Variants in RTL9 observed in about 807,000 individuals in gnomAD.
RTL9 encodes retrotransposon Gag like 9, also known as retrotransposon Gag-like protein 9.
RTL9 carries 19 observed loss-of-function variants against 44.7 expected under a neutral mutation model. The ratio of observed to expected loss-of-function variants is 0.42; its 90% CI spans 0.30 to 0.62. The LOEUF (loss-of-function observed/expected upper bound fraction) is 0.62. Ranked by LOEUF, RTL9 falls within the 20% of genes least tolerant of loss-of-function variation. The pLI is 0.16. For synonymous variants in RTL9, 407 were observed against 398.9 expected (o/e 1.02, Z -0.24); for missense variants, 1,105 against 1,080.6 (o/e 1.02, Z -0.32).
At chrX:110,451,029 A>G in exon 1 of RTL9, 1 of 1,211,541 alleles carries the variant, frequency 8.3e-7, no homozygotes, top group Admixed American at 2.2e-5. Flanking sequence ...GTATGGGGTA[A>G]TGTCCCCAGG....
At chrX:110,361,074 C>A (rs913534231) in intron 1 of RTL9, among the ~76,000 whole-genome samples, 2 of 110,605 alleles carry the variant, frequency 1.8e-5, no homozygotes, top group Non-Finnish European at 3.8e-5. Flanking sequence ...TAATAGGTAT[C>A]TCCAACTTAC....
chrX:110,372,806 T>C (rs1602940787), intron 1 of RTL9, among the ~76,000 whole-genome samples: 1 of 111,662 alleles, frequency 9.0e-6, no homozygotes, highest in East Asian at 2.8e-4. Flanking sequence ...GCAATGAGCA[T>C]AAATTGACAT....
intron 1 of RTL9, among the ~76,000 whole-genome samples, chrX:110,431,323 CTGTGTGTGTGTG>C (rs759432836): frequency 1.1e-5 from 1 of 94,948 alleles, no homozygotes; most frequent in South Asian, 4.9e-4. Context: ...GAGGGGAAGG[CTGTGTGTGTGTG>C]TGTGTGTGTG....
intron 1 of RTL9, among the ~76,000 whole-genome samples, chrX:110,370,654 C>A (rs937240946): frequency 8.9e-6 from 1 of 112,389 alleles, no homozygotes; most frequent in Non-Finnish European, 1.9e-5. Context: ...TCCCTACATG[C>A]TGTAATGTGG....
chrX:110,392,836 A>G (rs1273250315), intron 1 of RTL9, among the ~76,000 whole-genome samples: 1 of 112,302 alleles, frequency 8.9e-6, no homozygotes, highest in Non-Finnish European at 1.9e-5. Context: ...CCATGAAACT[A>G]AAAAGGCAGG....
upstream of RTL9, among the ~76,000 whole-genome samples, chrX:110,416,236 C>T (rs181370476): frequency 9.0e-5 from 10 of 111,647 alleles, no homozygotes; most frequent in Non-Finnish European, 1.5e-4. Context: ...GATTTGAAGC[C>T]GAGTTCAGCT....
chrX:110,373,514 T>G, intron 1 of RTL9, among the ~76,000 whole-genome samples: 1 of 111,676 alleles, frequency 9.0e-6, no homozygotes, highest in Non-Finnish European at 1.9e-5. Context: ...AGAAAACAGT[T>G]CCTGCAGAAG....
chrX:110,408,739 A>G (rs1221785295), intron 1 of RTL9, among the ~76,000 whole-genome samples: 1 of 112,253 alleles, frequency 8.9e-6, no homozygotes, highest in Admixed American at 9.4e-5. Flanking sequence ...TGTTGCATTC[A>G]TGGGGATTCT....
chrX:110,442,795 C>T (rs974287447), intron 1 of RTL9, among the ~76,000 whole-genome samples: 1 of 111,606 alleles, frequency 9.0e-6, no homozygotes, highest in African/African-American at 3.3e-5. Flanking sequence ...TTCTTGGTAC[C>T]ACGTGACCCT....
chrX:110,423,871 A>T (rs1248302199), intron 1 of RTL9, among the ~76,000 whole-genome samples: 1 of 112,329 alleles, frequency 8.9e-6, no homozygotes, highest in Non-Finnish European at 1.9e-5. Context: ...TTATTGAGAC[A>T]GTTCTTATTT....
Position 110,443,506 on chromosome X carries a change from C to T in RTL9, c.-167-1647C>T, listed in dbSNP as rs1440973878. Among the ~76,000 whole-genome samples, 6 of 112,436 alleles carry T rather than the reference C, an allele frequency of 5.3e-5. No individual in the cohort carries two copies. In the East Asian group the frequency reaches 1.4e-3, roughly 26 times the overall value. On this transcript the variant is annotated intron_variant, in intron 1 of 3. Transcript: ENST00000465301. Reference sequence around the variant, plus strand: ...CTGTGTACTGTGCTACCTTTACCTACACAACCAAGGTCAATGTCAACAGAT... The same window carrying T: ...CTGTGTACTGTGCTACCTTTACCTATACAACCAAGGTCAATGTCAACAGAT...
chrX:110,381,689 T>C (rs748412776), intron 1 of RTL9, among the ~76,000 whole-genome samples: 1 of 111,270 alleles, frequency 9.0e-6, no homozygotes. Flanking sequence ...CCATTGATAG[T>C]GGATCGGATA....
At chrX:110,451,655 G>A in exon 1 of RTL9, 1 of 1,211,606 alleles carries the variant, frequency 8.3e-7, no homozygotes, top group Non-Finnish European at 1.1e-6. Flanking sequence ...CTGAAGCAAT[G>A]TCCCCAGCAC....
chrX:110,365,772 T>C (rs982612147), intron 1 of RTL9, among the ~76,000 whole-genome samples: 2 of 111,979 alleles, frequency 1.8e-5, no homozygotes, highest in Non-Finnish European at 3.8e-5. Flanking sequence ...TTTCTAATAA[T>C]ATATACCTTC....
chrX:110,438,013 C>T (rs1313426556), intron 1 of RTL9, among the ~76,000 whole-genome samples: 2 of 111,540 alleles, frequency 1.8e-5, no homozygotes, highest in African/African-American at 6.5e-5. Flanking sequence ...TAGTCTCTGC[C>T]CCAATAAGTT....
At position 110,451,317 on chromosome X, in the gene RTL9, A is replaced by C. The variant is rs778168826; in HGVS notation, c.700A>C (p.Ile234Leu). ...CTCTGAGGCAATGTCCCCATTGCAA[A>C]TTACAGATGAAGACACCGAAGCAAT... The change falls in exon 1 of 2, where the codon ATT becomes CTT. Residue 234 changes from isoleucine to leucine, a missense_variant. Ile to Leu is a conservative substitution (Grantham distance 5). Transcript: ENST00000540313. 3 of 1,211,994 alleles carry C rather than the reference A, an allele frequency of 2.5e-6. No individual in the cohort carries two copies. The Admixed American group carries it at 6.5e-5, about 26-fold the overall frequency.
intron 1 of RTL9, among the ~76,000 whole-genome samples, chrX:110,400,658 T>C (rs1319156382): frequency 8.9e-6 from 1 of 111,841 alleles, no homozygotes; most frequent in Non-Finnish European, 1.9e-5. Flanking sequence ...AATTGCTGCT[T>C]GTCTCGCAAA....
At chrX:110,391,565 C>T (rs374336974) in intron 1 of RTL9, among the ~76,000 whole-genome samples, 6 of 112,006 alleles carry the variant, frequency 5.4e-5, no homozygotes, top group Admixed American at 2.8e-4. Flanking sequence ...GCTCAGGCTA[C>T]GACTCTATGG....
At chrX:110,428,923 G>A (rs899720644) in intron 1 of RTL9, among the ~76,000 whole-genome samples, 1 of 112,191 alleles carries the variant, frequency 8.9e-6, no homozygotes, top group Non-Finnish European at 1.9e-5. Context: ...CCGATGCGAC[G>A]GCACAGGTCT....
Sources: gnomAD v4.1 joint callset for allele counts (sites outside exome capture counted in the v4.1 genomes callset) on GRCh38, gnomAD v4.1.1 for gene constraint, MANE v1.5 for transcripts, NCBI Gene and HGNC (gene_info 2026-07-23, HGNC 2026-07-21) for gene names.